ASTN2: variants seen among roughly 807,000 people sequenced by gnomAD.
The protein encoded by ASTN2 is astrotactin-2.
Under a neutral mutation model 139.8 loss-of-function variants are expected in ASTN2, and 54 were observed. The observed-to-expected ratio is 0.39, with a 90% CI of 0.31 to 0.48. The LOEUF (loss-of-function observed/expected upper bound fraction) is 0.48, where lower values mean the gene tolerates loss of function less well. Ranked by LOEUF, ASTN2 falls within the 20% of genes least tolerant of loss-of-function variation. The pLI is 0.95. For missense variants in ASTN2, 1,565 were observed against 1,725.1 expected (o/e 0.91, Z 1.64); for synonymous variants, 756 against 719.5 (o/e 1.05, Z -0.81).
intron 3 of ASTN2, among the ~76,000 whole-genome samples, chr9:117,165,633 A>T (rs2132912452): frequency 6.6e-6 from 1 of 152,158 alleles, no homozygotes; most frequent in South Asian, 2.1e-4. Flanking sequence ...ACCTGTGTTC[A>T]CTCTGCATTC....
intron 2 of ASTN2, among the ~76,000 whole-genome samples, chr9:117,239,970 T>A (rs1480298294): frequency 6.6e-6 from 1 of 152,224 alleles, no homozygotes; most frequent in Non-Finnish European, 1.5e-5. Flanking sequence ...TGACCTACAA[T>A]GGGTGTTACA....
At chr9:116,466,325 T>A (rs1402770532) in intron 20 of ASTN2, among the ~76,000 whole-genome samples, 1 of 152,192 alleles carries the variant, frequency 6.6e-6, no homozygotes, top group Non-Finnish European at 1.5e-5. Context: ...GCACTTCAGA[T>A]CTCTAGCTTC....
rs367578144 is a variant in ASTN2 at position 117,141,469 on chromosome 9, T to C, written c.1025A>G (p.Glu342Gly). Reference protein sequence around the residue: ...KVDFEKKAAAEATQETVESLM... With the variant: ...KVDFEKKAAAGATQETVESLM... ...GGACTCCACTGTCTCCTGAGTCGCC[T>C]CAGCTGCTGCTATAAGGTAGCAATG... The change falls in exon 4 of 23, where the codon GAG (glutamate) becomes GGG (glycine). Residue 342 changes from glutamate to glycine, a missense_variant. By Grantham distance (98) the Glu-to-Gly change is moderately conservative. Transcript: ENST00000313400. 1 of 1,366,926 alleles carries C rather than the reference T, an allele frequency of 7.3e-7. No homozygotes were observed. The highest frequency in any genetic ancestry group is 1.5e-5 in the African/African-American group (1 of 67,746). The allele number at this position is 1,366,926 out of a possible 1,614,324, so 84.7% of individuals were successfully genotyped here.
At chr9:116,434,331 A>G (rs987459665) in intron 22 of ASTN2, among the ~76,000 whole-genome samples, 2 of 152,194 alleles carry the variant, frequency 1.3e-5, no homozygotes, top group African/African-American at 4.8e-5. Context: ...CTTGTTCCCA[A>G]TATCTTAAAA....
chr9:117,289,070 T>G (rs1250264641), intron 2 of ASTN2, among the ~76,000 whole-genome samples: 2 of 152,242 alleles, frequency 1.3e-5, no homozygotes, highest in African/African-American at 4.8e-5. Context: ...TGCTTATGGC[T>G]GTCTTCCTAC....
At chr9:116,784,103 A>AT (rs1230419623) in intron 13 of ASTN2, among the ~76,000 whole-genome samples, 1 of 152,248 alleles carries the variant, frequency 6.6e-6, no homozygotes, top group Non-Finnish European at 1.5e-5. Flanking sequence ...GATAAGAAAA[A>AT]TGAAGCTTGA....
chr9:117,109,815 C>A (rs1403265415), intron 4 of ASTN2, among the ~76,000 whole-genome samples: 1 of 152,158 alleles, frequency 6.6e-6, no homozygotes, highest in East Asian at 1.9e-4. Context: ...AATTTTGAAG[C>A]CTCAGCCTTT....
chr9:116,682,068 T>C (rs2132023395), intron 16 of ASTN2, among the ~76,000 whole-genome samples: 1 of 151,576 alleles, frequency 6.6e-6, no homozygotes, highest in South Asian at 2.1e-4. Context: ...CAAAAGAAAC[T>C]ACCATCAGAG....
intron 19 of ASTN2, among the ~76,000 whole-genome samples, chr9:116,545,412 C>G (rs1852051545): frequency 6.6e-6 from 1 of 152,172 alleles, no homozygotes; most frequent in South Asian, 2.1e-4. Flanking sequence ...TTCCTTAAAG[C>G]AGTCATTTTT....
chr9:117,263,638 T>A (rs1833875212), intron 2 of ASTN2, among the ~76,000 whole-genome samples: 1 of 152,224 alleles, frequency 6.6e-6, no homozygotes, highest in Non-Finnish European at 1.5e-5. Context: ...GAAGTAGTGA[T>A]CCTCATCAAG....
intron 19 of ASTN2, among the ~76,000 whole-genome samples, chr9:116,609,296 ATCTCTCTC>A (rs34856740): frequency 1.0e-3 from 130 of 123,994 alleles, no homozygotes; most frequent in African/African-American, 1.9e-3. Flanking sequence ...AGAAAAAAGG[ATCTCTCTC>A]TCTCTCTCTC....
chr9:116,538,209 A>AAAGAGGGAAGAAGGG (rs1159260662), intron 19 of ASTN2, among the ~76,000 whole-genome samples: 1 of 152,086 alleles, frequency 6.6e-6, no homozygotes, highest in African/African-American at 2.4e-5. Flanking sequence ...GGAGGAAGGG[A>AAAGAGGGAAGAAGGG]AAGAGGGAAG....
intron 1 of ASTN2, among the ~76,000 whole-genome samples, chr9:117,376,070 C>A (rs1047094177): frequency 9.9e-5 from 15 of 152,112 alleles, no homozygotes; most frequent in Non-Finnish European, 7.3e-5. Context: ...AGATCTTTAA[C>A]CTAATCACAT....
intron 16 of ASTN2, among the ~76,000 whole-genome samples, chr9:116,679,426 T>C (rs1333591009): frequency 6.6e-6 from 1 of 152,186 alleles, no homozygotes; most frequent in Non-Finnish European, 1.5e-5. Context: ...TGTGTAAATG[T>C]GTTACTGGCG....
At chr9:117,302,738 C>T (rs1834907202) in intron 1 of ASTN2, among the ~76,000 whole-genome samples, 1 of 152,160 alleles carries the variant, frequency 6.6e-6, no homozygotes, top group African/African-American at 2.4e-5. Flanking sequence ...AAAATGAAAC[C>T]TGTAAAACCC....
At chr9:117,204,698 A>G (rs972214551) in intron 3 of ASTN2, among the ~76,000 whole-genome samples, 6 of 152,202 alleles carry the variant, frequency 3.9e-5, no homozygotes, top group Non-Finnish European at 8.8e-5. Flanking sequence ...TTTGGAGTTC[A>G]TTTATCATTG....
At chr9:116,532,953 G>A (rs1851424187) in intron 19 of ASTN2, among the ~76,000 whole-genome samples, 1 of 152,188 alleles carries the variant, frequency 6.6e-6, no homozygotes, top group African/African-American at 2.4e-5. Context: ...ACCTTGGGCA[G>A]TATGGCCATT....
chr9:116,867,386 T>C (rs1374790945), intron 10 of ASTN2, among the ~76,000 whole-genome samples: 1 of 151,286 alleles, frequency 6.6e-6, no homozygotes, highest in Admixed American at 6.6e-5. Flanking sequence ...CCATCTCTAC[T>C]AAAAATACAA....
intron 3 of ASTN2, among the ~76,000 whole-genome samples, chr9:117,142,747 G>C (rs1830104556): frequency 6.6e-6 from 1 of 152,190 alleles, no homozygotes; most frequent in African/African-American, 2.4e-5. Flanking sequence ...TAAAAGGCAA[G>C]AAGAGAAAAC....
Sources: gnomAD v4.1 joint callset for allele counts (sites outside exome capture counted in the v4.1 genomes callset) on GRCh38, gnomAD v4.1.1 for gene constraint, MANE v1.5 for transcripts, NCBI Gene and HGNC (gene_info 2026-07-23, HGNC 2026-07-21) for gene names.